The following SPAG6 variants were observed in gnomAD, a reference collection of about 807,000 sequenced individuals.
SPAG6 encodes the protein sperm-associated antigen 6.
A neutral mutation model predicts 58.5 loss-of-function variants in SPAG6; 49 were observed. The ratio of observed to expected loss-of-function variants is 0.84; its 90% CI spans 0.67 to 1.06. The LOEUF is 1.06. Among genes scored for constraint, SPAG6 ranks in the 50% least tolerant of loss-of-function variants. SPAG6 has a pLI of 0.00. For missense variants in SPAG6, 560 were observed against 611.3 expected (o/e 0.92, Z 0.89); for synonymous variants, 233 against 225.6 (o/e 1.03, Z -0.29).
chr10:22,376,936 C>G (rs952732000), intron 4 of SPAG6, among the ~76,000 whole-genome samples: 2 of 151,682 alleles, frequency 1.3e-5, no homozygotes, highest in African/African-American at 4.8e-5. Context: ...AAAAAATTAG[C>G]TGAGTATAGT....
rs16922224 is a variant in SPAG6, at chr10:22,389,198, C to G, written c.891C>G (p.Ala297=). 9.3e-6 allele frequency: 15 copies of G among 1,613,268 alleles called. No homozygotes were observed. Among genetic ancestry groups the G allele is most frequent in the African/African-American group, 1.3e-5 (1 of 74,830 alleles). ...TAGTTAACGCAGGAGGGGTTGCTGC[C>G]GTGATTGACTGCATTGGGTCCTGCA... ...QLVVNAGGVA[A]VIDCIGSCKG... Residue 297 remains alanine, a synonymous_variant, in exon 7 of 11, where the codon GCC becomes GCG. Transcript: ENST00000376624.
At chr10:22,380,330 G>A (rs1046100988) in intron 4 of SPAG6, among the ~76,000 whole-genome samples, 1 of 151,968 alleles carries the variant, frequency 6.6e-6, no homozygotes, top group African/African-American at 2.4e-5. Context: ...TTGAGACAGG[G>A]TCTTGCTCTT....
chr10:22,354,619 T>A (rs1238168170), intron 2 of SPAG6, among the ~76,000 whole-genome samples: 2 of 152,254 alleles, frequency 1.3e-5, no homozygotes, highest in African/African-American at 4.8e-5. Flanking sequence ...TCATTTTATC[T>A]GGAGTATAAT....
At chr10:22,391,653 C>A in intron 7 of SPAG6, 76 bp from the exon 8 acceptor site, 1 of 1,335,172 alleles carries the variant, frequency 7.5e-7, no homozygotes, top group Non-Finnish European at 1.0e-6. Context: ...GATTTCTTCT[C>A]ATGTTTGAGA....
intron 10 of SPAG6, chr10:22,411,773 G>T (rs993748553): frequency 6.6e-6 from 1 of 151,094 alleles, no homozygotes. Flanking sequence ...TAAGCCTAAT[G>T]GAGAACTATT....
At position 22,364,988 on chromosome 10, in the gene SPAG6, C is replaced by T. The variant is rs764056766; in HGVS notation, c.257C>T (p.Pro86Leu). ...GCTGTTGTGAAGTGCGACATTCTTC[C>T]ACAGCTTGTTTATTCATTGGCAGAA... ...AEAVVKCDIL[P>L]QLVYSLAEQN... The change falls in exon 3 of 11, where the codon CCA becomes CTA. Residue 86 changes from proline to leucine, a missense_variant. Coordinates refer to ENST00000376624, the MANE Select transcript of SPAG6 (RefSeq NM_012443.4). The T allele has an allele frequency of 3.6e-5, 58 of 1,609,142 alleles. No homozygotes were observed. The highest frequency in any genetic ancestry group is 4.5e-5 in the South Asian group (4 of 89,810).
intron 3 of SPAG6, among the ~76,000 whole-genome samples, chr10:22,365,244 A>G (rs1264885469): frequency 6.6e-6 from 1 of 152,162 alleles, no homozygotes; most frequent in Non-Finnish European, 1.5e-5. Context: ...AGATTTTTTT[A>G]GGCAGAATTA....
intron 10 of SPAG6, among the ~76,000 whole-genome samples, chr10:22,412,158 A>G (rs1309194655): frequency 6.6e-6 from 1 of 151,998 alleles, no homozygotes; most frequent in Non-Finnish European, 1.5e-5. Flanking sequence ...CGGCCAAACA[A>G]CTGAATCTTT....
intron 2 of SPAG6, 38 bp from the exon 3 acceptor site, chr10:22,364,815 A>T: frequency 1.3e-6 from 2 of 1,539,482 alleles, no homozygotes; most frequent in African/African-American, 1.4e-5. Context: ...TTTTAATTTA[A>T]ATTTTCCTGA....
intron 4 of SPAG6, among the ~76,000 whole-genome samples, chr10:22,379,251 T>A (rs1337446227): frequency 6.6e-6 from 1 of 152,142 alleles, no homozygotes; most frequent in Non-Finnish European, 1.5e-5. Context: ...TGGAGGGATG[T>A]TGTCTTGCAG....
At chr10:22,361,133 A>G (rs1218220322) in intron 2 of SPAG6, 7 of 344,802 alleles carry the variant, frequency 2.0e-5, no homozygotes, top group East Asian at 4.8e-5. Flanking sequence ...TTCTTTTCCA[A>G]TAAGGTTATT....
At chr10:22,391,954 G>T in intron 8 of SPAG6, 34 bp downstream of exon 8, 1 of 1,474,356 alleles carries the variant, frequency 6.8e-7, no homozygotes, top group Non-Finnish European at 9.3e-7. Flanking sequence ...GAAGATTTTG[G>T]CTCATTTAAA....
At chr10:22,390,616 T>C (rs1834163731) in intron 7 of SPAG6, among the ~76,000 whole-genome samples, 1 of 152,228 alleles carries the variant, frequency 6.6e-6, no homozygotes, top group African/African-American at 2.4e-5. Context: ...TTCATTATAA[T>C]TGAGGCCAAC....
At chr10:22,386,003 C>T (rs1834055591) in intron 4 of SPAG6, among the ~76,000 whole-genome samples, 1 of 152,100 alleles carries the variant, frequency 6.6e-6, no homozygotes. Flanking sequence ...TTGCCTGTCT[C>T]CCATTATCTG....
chr10:22,357,907 C>G (rs941068533), intron 2 of SPAG6, among the ~76,000 whole-genome samples: 3 of 152,070 alleles, frequency 2.0e-5, no homozygotes, highest in Non-Finnish European at 4.4e-5. Flanking sequence ...CTACAAAGGA[C>G]CTGAGCTCAT....
intron 8 of SPAG6, among the ~76,000 whole-genome samples, chr10:22,398,184 A>G (rs1834337903): frequency 6.6e-6 from 1 of 152,240 alleles, no homozygotes; most frequent in African/African-American, 2.4e-5. Context: ...TGATGGGACA[A>G]TTGTATCCTC....
At chr10:22,348,515 C>T (rs1836629355) in intron 2 of SPAG6, among the ~76,000 whole-genome samples, 1 of 152,052 alleles carries the variant, frequency 6.6e-6, no homozygotes. Flanking sequence ...TCTCATTTTT[C>T]CCTCCAATAT....
chr10:22,402,404 G>C (rs918463921), intron 9 of SPAG6, among the ~76,000 whole-genome samples: 1 of 152,140 alleles, frequency 6.6e-6, no homozygotes, highest in Admixed American at 6.6e-5. Flanking sequence ...ACTATGTATT[G>C]TTATAACTTT....
chr10:22,409,919 G>A (rs1212339175), intron 9 of SPAG6, among the ~76,000 whole-genome samples: 1 of 152,018 alleles, frequency 6.6e-6, no homozygotes, highest in Non-Finnish European at 1.5e-5. Context: ...ATCCTACCGT[G>A]GTCTACTGAT....
Sources: gnomAD v4.1 joint callset for allele counts (sites outside exome capture counted in the v4.1 genomes callset) on GRCh38, gnomAD v4.1.1 for gene constraint, MANE v1.5 for transcripts, NCBI Gene and HGNC (gene_info 2026-07-23, HGNC 2026-07-21) for gene names.